Variants in BTC observed in about 807,000 individuals in gnomAD.
BTC encodes the protein betacellulin, also known as probetacellulin.
BTC carries 13 observed loss-of-function variants against 18.1 expected under a neutral mutation model. That is an observed-to-expected ratio of 0.72 (90% CI 0.47 to 1.14). BTC has a LOEUF of 1.14. Among genes scored for constraint, BTC ranks in the 50% most tolerant of loss-of-function variants. The pLI is 0.00. For missense variants in BTC, 247 were observed against 224.2 expected (o/e 1.10, Z -0.65); for synonymous variants, 83 against 79.4 (o/e 1.05, Z -0.24).
intron 1 of BTC, among the ~76,000 whole-genome samples, chr4:74,790,806 A>G (rs1725603816): frequency 6.6e-6 from 1 of 152,214 alleles, no homozygotes; most frequent in African/African-American, 2.4e-5. Flanking sequence ...GCCCTGAGCT[A>G]GGAGAAGCAG....
At chr4:74,748,490 T>C (rs1195562556) in intron 4 of BTC, among the ~76,000 whole-genome samples, 1 of 151,792 alleles carries the variant, frequency 6.6e-6, no homozygotes, top group Non-Finnish European at 1.5e-5. Flanking sequence ...GAGCCGAGAT[T>C]GCGCCACTGC....
rs1444678723 is a variant in BTC at position 74,790,212 on chromosome 4, A to T, written c.64+4050T>A. Reference sequence around the variant, plus strand: ...GTATCCAGAATCAAAATGTCAAAAAATTTTAAGAGGTATTGATAACAATGA... The same window carrying T: ...GTATCCAGAATCAAAATGTCAAAAATTTTTAAGAGGTATTGATAACAATGA... On this transcript the variant is annotated intron_variant, in intron 1 of 5. Transcript: ENST00000395743. Among the ~76,000 whole-genome samples the T allele has an allele frequency of 2.6e-5, 4 of 152,340 alleles. No individual in the cohort carries two copies. In the South Asian group the frequency reaches 6.2e-4, roughly 24 times the overall value.
chr4:74,746,260 T>C lies in BTC; in HGVS notation c.*417A>G, dbSNP rs1311773402. 1.3e-5 allele frequency: 2 copies of C among 152,238 alleles called. No individual in the cohort carries two copies. The highest frequency in any genetic ancestry group is 2.9e-5 in the Non-Finnish European group (2 of 68,042). The allele number at this position is 152,238 out of a possible 1,614,324, so 9.4% of individuals were successfully genotyped here. On this transcript the variant is annotated 3_prime_UTR_variant, in exon 6 of 6. Coordinates refer to ENST00000395743, the MANE Select transcript of BTC (RefSeq NM_001729.4). ...AATGAGGATTATAATAGCTATCTCA[T>C]GGATTGCTGAAAGGAATAAAGGAAA...
At chr4:74,782,563 T>G (rs779596975) in intron 1 of BTC, among the ~76,000 whole-genome samples, 9 of 152,156 alleles carry the variant, frequency 5.9e-5, no homozygotes, top group Non-Finnish European at 1.2e-4. Flanking sequence ...ACTGAACATA[T>G]GCATGCATGT....
At chr4:74,788,818 G>T (rs1460537595) in intron 1 of BTC, among the ~76,000 whole-genome samples, 3 of 152,200 alleles carry the variant, frequency 2.0e-5, no homozygotes, top group African/African-American at 7.2e-5. Context: ...TGCCTATTTG[G>T]CAAAACCAGA....
intron 3 of BTC, among the ~76,000 whole-genome samples, chr4:74,755,301 A>C (rs1302035007): frequency 6.6e-6 from 1 of 152,254 alleles, no homozygotes; most frequent in African/African-American, 2.4e-5. Context: ...CATATTTAAA[A>C]GATGCAAAAA....
chr4:74,763,936 T>C (rs1351496552), intron 2 of BTC, among the ~76,000 whole-genome samples: 1 of 152,146 alleles, frequency 6.6e-6, no homozygotes, highest in East Asian at 1.9e-4. Context: ...CTGCACATTG[T>C]ATACATGTGT....
chr4:74,785,086 A>C (rs1405200991), intron 1 of BTC, among the ~76,000 whole-genome samples: 4 of 152,162 alleles, frequency 2.6e-5, no homozygotes, highest in African/African-American at 4.8e-5. Flanking sequence ...GCTATTGATT[A>C]CTGGTTCAAT....
chr4:74,794,140 C>A, intron 1 of BTC, 122 bp downstream of exon 1: 2 of 1,294,922 alleles, frequency 1.5e-6, no homozygotes, highest in South Asian at 2.6e-5. Flanking sequence ...TTCTCCAACC[C>A]GCGCCTGCCA....
chr4:74,764,044 A>G (rs1246775796), intron 2 of BTC, among the ~76,000 whole-genome samples: 1 of 152,138 alleles, frequency 6.6e-6, no homozygotes, highest in East Asian at 1.9e-4. Context: ...ACACCAAAAA[A>G]TAATTATCTG....
rs1724254127 is a variant in BTC at position 74,744,967 on chromosome 4, T to C, written c.*1710A>G. ...AACAAAATGGCTTGAGAGATTTTGTTGGTCAGCCAAACTCAGTCCAGGAAA... is the reference window on the plus strand; with the variant it reads ...AACAAAATGGCTTGAGAGATTTTGTCGGTCAGCCAAACTCAGTCCAGGAAA... On this transcript the variant is annotated 3_prime_UTR_variant, in exon 6 of 6. Coordinates refer to ENST00000395743, the MANE Select transcript of BTC (RefSeq NM_001729.4). The C allele has an allele frequency of 6.6e-6, 1 of 152,234 alleles. No individual in the cohort carries two copies. 9.4% of individuals were successfully genotyped at this position (152,234 alleles called of 1,614,324 possible).
chr4:74,778,900 C>A (rs756678959), intron 1 of BTC, among the ~76,000 whole-genome samples: 39 of 152,240 alleles, frequency 2.6e-4, no homozygotes, highest in Admixed American at 5.2e-4. Flanking sequence ...GGCATCAGGA[C>A]ATCTCCTGGG....
At chr4:74,780,336 G>A (rs553307856) in intron 1 of BTC, among the ~76,000 whole-genome samples, 21 of 152,282 alleles carry the variant, frequency 1.4e-4, no homozygotes, top group South Asian at 1.2e-3. Flanking sequence ...GACAAATGTT[G>A]TGTGGAAATC....
chr4:74,777,009 C>A (rs1725192204), intron 1 of BTC, among the ~76,000 whole-genome samples: 1 of 152,082 alleles, frequency 6.6e-6, no homozygotes, highest in Admixed American at 6.6e-5. Flanking sequence ...AATGTATCAA[C>A]CTATGAACAT....
chr4:74,781,404 T>TGTGC (rs1380404153), intron 1 of BTC, among the ~76,000 whole-genome samples: 1 of 151,878 alleles, frequency 6.6e-6, no homozygotes, highest in Non-Finnish European at 1.5e-5. Flanking sequence ...TGTGTGTGTG[T>TGTGC]GTGTGTGTGT....
In BTC at chr4:74,744,923, A is replaced by T. The variant is rs73825021; in HGVS notation, c.*1754T>A. On this transcript the variant is annotated 3_prime_UTR_variant, in exon 6 of 6. Transcript: ENST00000395743. ...GATCTACCAAATTTCGAGAGCCACC[A>T]TTGATATTTTAGGATCAAAACAAAA... 1 of 152,204 alleles carries T rather than the reference A, an allele frequency of 6.6e-6. No individual in the cohort carries two copies. Among genetic ancestry groups the T allele is most frequent in the South Asian group, 2.1e-4 (1 of 4,836 alleles). The allele number at this position is 152,204 out of a possible 1,614,324, so 9.4% of individuals were successfully genotyped here.
chr4:74,753,490 G>A (rs888001191), intron 3 of BTC, among the ~76,000 whole-genome samples: 1 of 152,126 alleles, frequency 6.6e-6, no homozygotes, highest in Non-Finnish European at 1.5e-5. Context: ...ATCTGGAAAC[G>A]AACTGTCCCT....
intron 2 of BTC, among the ~76,000 whole-genome samples, chr4:74,766,504 T>C (rs1467371770): frequency 6.6e-6 from 1 of 151,960 alleles, no homozygotes; most frequent in African/African-American, 2.4e-5. Flanking sequence ...ACCATGAAAA[T>C]TGAATAACGA....
intron 5 of BTC, among the ~76,000 whole-genome samples, chr4:74,747,530 C>T (rs527966543): frequency 6.6e-6 from 1 of 152,222 alleles, no homozygotes; most frequent in East Asian, 1.9e-4. Flanking sequence ...CCCAACAATT[C>T]TCAAGCTCAG....
Sources: allele counts gnomAD v4.1 joint callset (sites outside exome capture counted in the v4.1 genomes callset), GRCh38; gene constraint gnomAD v4.1.1; transcripts MANE v1.5; gene names NCBI Gene and HGNC (gene_info 2026-07-23, HGNC 2026-07-21).